Variants in SSU72 observed in about 807,000 individuals in gnomAD.
SSU72 encodes SSU72 homolog, RNA polymerase II CTD phosphatase, also known as RNA polymerase II subunit A C-terminal domain phosphatase SSU72.
Under a neutral mutation model 22.7 loss-of-function variants are expected in SSU72, and 12 were observed. The ratio of observed to expected loss-of-function variants is 0.53; its 90% CI spans 0.34 to 0.86. The LOEUF (loss-of-function observed/expected upper bound fraction) is 0.86. Ranked by LOEUF, SSU72 falls within the 40% of genes least tolerant of loss-of-function variation. SSU72 has a pLI of 0.02. For missense variants in SSU72, 151 were observed against 249.8 expected (o/e 0.60, Z 2.67); for synonymous variants, 116 against 98.3 (o/e 1.18, Z -1.06).
chr1:1,548,617 G>A (rs1041376692), intron 2 of SSU72, among the ~76,000 whole-genome samples: 2 of 151,476 alleles, frequency 1.3e-5, no homozygotes, highest in African/African-American at 4.8e-5. Context: ...GAGGTGAGAT[G>A]TGGCAGCCAC....
At chr1:1,548,519 A>G (rs1570383310) in intron 2 of SSU72, among the ~76,000 whole-genome samples, 1 of 147,426 alleles carries the variant, frequency 6.8e-6, no homozygotes. Flanking sequence ...ATGCCACTGC[A>G]CTCTGGCCTC....
At position 1,571,939 on chromosome 1, in the gene SSU72, C is replaced by T. The variant is rs138919400; in HGVS notation, c.80+2539G>A. On this transcript the variant is annotated intron_variant, in intron 1 of 4. Coordinates refer to ENST00000291386, the MANE Select transcript of SSU72 (RefSeq NM_014188.3). Reference sequence around the variant, plus strand: ...CCTCCTGAGCAGCTGGGACTACAGGCGCCCGTCACTATGCCGGGGTCATTT... The same window carrying T: ...CCTCCTGAGCAGCTGGGACTACAGGTGCCCGTCACTATGCCGGGGTCATTT... Among the ~76,000 whole-genome samples the T allele has an allele frequency of 5.1e-3, 777 of 151,544 alleles. 10 individuals are homozygous for T. Among genetic ancestry groups the T allele is most frequent in the African/African-American group, 0.018 (729 of 41,346 alleles).
At chr1:1,567,214 C>T (rs934262894) in intron 1 of SSU72, among the ~76,000 whole-genome samples, 1 of 152,186 alleles carries the variant, frequency 6.6e-6, no homozygotes, top group African/African-American at 2.4e-5. Context: ...CACCCTGCTG[C>T]GCCACCACAC....
chr1:1,574,005 A>C lies in SSU72; in HGVS notation c.80+473T>G, dbSNP rs560358486. ...ACCGGTTGGAGGCGTTCCAGGGAGG[A>C]AGAGAGGATCTTTCGCAAAAAAAAA... On this transcript the variant is annotated intron_variant, in intron 1 of 4. Transcript: ENST00000291386. Among the ~76,000 whole-genome samples, 10 of 146,658 alleles carry C rather than the reference A, an allele frequency of 6.8e-5. No individual in the cohort carries two copies. In the East Asian group the frequency reaches 1.9e-3, roughly 27 times the overall value.
At chr1:1,543,471 T>C (rs1642350096) in intron 4 of SSU72, among the ~76,000 whole-genome samples, 1 of 152,196 alleles carries the variant, frequency 6.6e-6, no homozygotes, top group South Asian at 2.1e-4. Flanking sequence ...GCAAAGGGCA[T>C]TGCAGGGGGG....
chr1:1,574,677 G>A lies in SSU72; in HGVS notation c.-120C>T, dbSNP rs1044621665. ...GCGGGCGACGCGAAACGACGGCGCC[G>A]GCGGTGTAGCGTGCGGCGACTGCGC... is the stretch of plus-strand genomic sequence containing the variant. On this transcript the variant is annotated 5_prime_UTR_variant, in exon 1 of 5. Transcript: ENST00000291386. The A allele has an allele frequency of 2.2e-5, 23 of 1,063,834 alleles. No individual in the cohort carries two copies. In the South Asian group the frequency reaches 2.3e-4, roughly 11 times the overall value. The allele number at this position is 1,063,834 out of a possible 1,614,324, so 65.9% of individuals were successfully genotyped here. A position where few individuals can be genotyped will look rare whatever the true frequency, so the allele number is the denominator to read the frequency against.
At chr1:1,569,391 A>G (rs1642701861) in intron 1 of SSU72, among the ~76,000 whole-genome samples, 1 of 152,200 alleles carries the variant, frequency 6.6e-6, no homozygotes, top group African/African-American at 2.4e-5. Context: ...TCTAACACCA[A>G]AGATGATCAC....
chr1:1,551,372 C>G (rs1267503148), intron 2 of SSU72, among the ~76,000 whole-genome samples: 1 of 152,272 alleles, frequency 6.6e-6, no homozygotes, highest in African/African-American at 2.4e-5. Context: ...GCAAAGGGAA[C>G]AGCAGCAGGG....
At chr1:1,574,437 G>A (rs773687951) in intron 1 of SSU72, 41 bp downstream of exon 1, 2 of 1,560,298 alleles carry the variant, frequency 1.3e-6, no homozygotes, top group South Asian at 1.2e-5. Flanking sequence ...AGGGCCGGTC[G>A]CCGGAGCAGA....
At chr1:1,574,399 G>T in intron 1 of SSU72, 79 bp downstream of exon 1, 1 of 1,457,288 alleles carries the variant, frequency 6.9e-7, no homozygotes, top group South Asian at 1.2e-5. Context: ...GGGTCCTGGC[G>T]CGGGCCAGGG....
chr1:1,557,688 C>T (rs1287946743), intron 2 of SSU72, among the ~76,000 whole-genome samples: 2 of 151,324 alleles, frequency 1.3e-5, no homozygotes, highest in African/African-American at 4.9e-5. Flanking sequence ...ATCCCAGCTA[C>T]TCAGGATGCT....
chr1:1,573,983 G>A (rs1202921369), intron 1 of SSU72, among the ~76,000 whole-genome samples: 1 of 151,342 alleles, frequency 6.6e-6, no homozygotes, highest in Non-Finnish European at 1.5e-5. Context: ...AGAAACTACC[G>A]GTTGGAGGCG....
chr1:1,560,452 G>A (rs1557502137), intron 2 of SSU72, among the ~76,000 whole-genome samples: 1 of 152,286 alleles, frequency 6.6e-6, no homozygotes. Flanking sequence ...CCGAAGGCTC[G>A]CATCCCAGTG....
At chr1:1,552,337 G>A (rs1642464441) in intron 2 of SSU72, among the ~76,000 whole-genome samples, 1 of 152,236 alleles carries the variant, frequency 6.6e-6, no homozygotes, top group African/African-American at 2.4e-5. Flanking sequence ...CAGTTTCTGT[G>A]ATCGTCCCTG....
At chr1:1,545,279 G>A (rs1486440966) in intron 2 of SSU72, 7 of 366,122 alleles carry the variant, frequency 1.9e-5, no homozygotes, top group East Asian at 1.0e-4. Flanking sequence ...CCCCGCCCCC[G>A]CCCAGCATGA....
chr1:1,563,814 G>C (rs1044290481), intron 2 of SSU72: 4 of 152,408 alleles, frequency 2.6e-5, no homozygotes, highest in African/African-American at 9.6e-5. Context: ...AGTGAGCCAA[G>C]ATCTCGCCAC....
In SSU72 at chr1:1,543,961, A is replaced by C. The variant is rs1642358774; in HGVS notation, c.391T>G (p.Cys131Gly). 1 of 1,613,828 alleles carries C rather than the reference A, an allele frequency of 6.2e-7. No individual in the cohort carries two copies. Among genetic ancestry groups the C allele is most frequent in the African/African-American group, 1.3e-5 (1 of 75,044 alleles). ...EDLNSREQETCQPVHVVNVDI... is the reference protein window; with the variant it reads ...EDLNSREQETGQPVHVVNVDI... ...ACATTGACCACGTGCACAGGCTGGCAGGTCTCCTGTTCTCTGGAATTCAGA... is the reference window on the plus strand; with the variant it reads ...ACATTGACCACGTGCACAGGCTGGCCGGTCTCCTGTTCTCTGGAATTCAGA... Residue 131 changes from cysteine (C) to glycine (G), a missense_variant, in exon 4 of 5, where the codon TGC becomes GGC. Transcript: ENST00000291386.
intron 1 of SSU72, among the ~76,000 whole-genome samples, chr1:1,565,118 TCATGAAGGCAGG>T (rs1642643346): frequency 2.3e-5 from 1 of 43,828 alleles, no homozygotes; most frequent in Admixed American, 3.3e-4. Context: ...GGCAGGCGGA[TCATGAAGGCAGG>T]CGGATCATGA....
intron 2 of SSU72, among the ~76,000 whole-genome samples, chr1:1,555,491 G>T (rs1219527795): frequency 2.0e-5 from 3 of 152,180 alleles, no homozygotes; most frequent in Non-Finnish European, 4.4e-5. Context: ...GGCATGTCTG[G>T]AGGGAGTGTC....
Sources: allele counts gnomAD v4.1 joint callset (sites outside exome capture counted in the v4.1 genomes callset), GRCh38; gene constraint gnomAD v4.1.1; transcripts MANE v1.5; gene names NCBI Gene and HGNC (gene_info 2026-07-23, HGNC 2026-07-21).